STX8: variants seen among roughly 807,000 people sequenced by gnomAD.
STX8 encodes syntaxin-8.
In STX8, 23 loss-of-function variants were observed where a neutral mutation model predicts 37.5. The observed-to-expected ratio is 0.61, with a 90% confidence interval of 0.44 to 0.87. STX8 has a LOEUF of 0.87. Ranked by LOEUF, STX8 falls within the 40% of genes least tolerant of loss-of-function variation. STX8 has a pLI of 0.00. For missense variants in STX8, 313 were observed against 284.7 expected (o/e 1.10, Z -0.71); for synonymous variants, 115 against 99.1 (o/e 1.16, Z -0.95).
At chr17:9,488,114 G>A (rs984574748) in intron 6 of STX8, among the ~76,000 whole-genome samples, 1 of 152,058 alleles carries the variant, frequency 6.6e-6, no homozygotes, top group African/African-American at 2.4e-5. Context: ...ATCACCTGAG[G>A]TCAGGAGTTT....
intron 7 of STX8, among the ~76,000 whole-genome samples, chr17:9,313,255 A>G (rs1909259008): frequency 6.6e-6 from 1 of 152,206 alleles, no homozygotes; most frequent in Admixed American, 6.5e-5. Context: ...CTCAAGGAAC[A>G]TGGGTGGGTG....
chr17:9,369,298 C>T (rs2142270128), intron 7 of STX8, among the ~76,000 whole-genome samples: 1 of 152,076 alleles, frequency 6.6e-6, no homozygotes, highest in Middle Eastern at 3.4e-3. Context: ...GACAGACACA[C>T]AAGAATGTAA....
intron 6 of STX8, among the ~76,000 whole-genome samples, chr17:9,401,381 AC>A (rs1912613942): frequency 6.6e-6 from 1 of 152,220 alleles, no homozygotes. Context: ...TGATGGTAAT[AC>A]AATTTTGAAG....
chr17:9,359,602 C>T (rs1216843969), intron 7 of STX8, among the ~76,000 whole-genome samples: 3 of 148,852 alleles, frequency 2.0e-5, no homozygotes, highest in African/African-American at 5.0e-5. Context: ...CCGCCTCCCA[C>T]GTTCATGCCA....
rs371026003 is a variant in STX8, at chr17:9,299,604, C to T, written c.644-48959G>A. ...GACTACAGGCGCCCGCCACCACACC[C>T]GGCTAATTTTTTGTATTTTTAGTAG... On this transcript the variant is annotated intron_variant, in intron 7 of 7. Transcript: ENST00000306357. 2.9e-3 allele frequency among the ~76,000 whole-genome samples: 439 copies of T among 152,112 alleles called. 2 individuals carry two copies. The highest frequency in any genetic ancestry group is 9.7e-3 in the African/African-American group (404 of 41,478).
chr17:9,419,765 G>T (rs1187648686), intron 6 of STX8, among the ~76,000 whole-genome samples: 1 of 152,130 alleles, frequency 6.6e-6, no homozygotes, highest in African/African-American at 2.4e-5. Flanking sequence ...TTATGGACCT[G>T]AATTTTACTT....
chr17:9,574,143 C>T (rs1452666335), intron 1 of STX8, among the ~76,000 whole-genome samples: 1 of 151,582 alleles, frequency 6.6e-6, no homozygotes, highest in Non-Finnish European at 1.5e-5. Context: ...TGGCTGCGTG[C>T]GCCTGTAGTC....
At chr17:9,460,529 T>C (rs1386133751) in intron 6 of STX8, among the ~76,000 whole-genome samples, 2 of 151,838 alleles carry the variant, frequency 1.3e-5, no homozygotes, top group African/African-American at 4.8e-5. Context: ...AAAAATTAGC[T>C]GGGCCTGGTG....
At chr17:9,369,024 G>A (rs1313416985) in intron 7 of STX8, among the ~76,000 whole-genome samples, 1 of 151,902 alleles carries the variant, frequency 6.6e-6, no homozygotes, top group Non-Finnish European at 1.5e-5. Context: ...AGGTTCAAGG[G>A]ATCCTCCCAT....
chr17:9,290,082 T>A (rs1259337527), intron 7 of STX8, among the ~76,000 whole-genome samples: 1 of 151,902 alleles, frequency 6.6e-6, no homozygotes, highest in African/African-American at 2.4e-5. Context: ...GCAAATCGAG[T>A]CATGTCAGTA....
intron 7 of STX8, among the ~76,000 whole-genome samples, chr17:9,311,035 G>C (rs187165544): frequency 2.0e-5 from 3 of 152,062 alleles, no homozygotes; most frequent in South Asian, 4.1e-4. Context: ...TCAGGAGTTC[G>C]AGACCAGCCT....
chr17:9,440,242 T>C (rs1054525401), intron 6 of STX8, among the ~76,000 whole-genome samples: 2 of 152,272 alleles, frequency 1.3e-5, no homozygotes, highest in Admixed American at 6.5e-5. Context: ...ACTCTAAAAT[T>C]TGGAGATTTG....
At chr17:9,533,184 A>G (rs1400283115) in intron 4 of STX8, among the ~76,000 whole-genome samples, 1 of 152,236 alleles carries the variant, frequency 6.6e-6, no homozygotes, top group Non-Finnish European at 1.5e-5. Flanking sequence ...AATTGCTTGC[A>G]GGCTGGTCAC....
At chr17:9,512,733 C>T (rs1008464526) in intron 4 of STX8, among the ~76,000 whole-genome samples, 2 of 152,084 alleles carry the variant, frequency 1.3e-5, no homozygotes, top group African/African-American at 4.8e-5. Flanking sequence ...GTGAACCCAG[C>T]CAAGCCTACT....
intron 7 of STX8, among the ~76,000 whole-genome samples, chr17:9,375,846 C>G (rs73255897): frequency 6.6e-6 from 1 of 152,048 alleles, no homozygotes; most frequent in Non-Finnish European, 1.5e-5. Flanking sequence ...ATGGGAAAAT[C>G]GTGGCAAAAG....
intron 6 of STX8, among the ~76,000 whole-genome samples, chr17:9,483,878 G>A (rs1906459342): frequency 6.6e-6 from 1 of 152,114 alleles, no homozygotes; most frequent in South Asian, 2.1e-4. Flanking sequence ...GCACAGGCAG[G>A]GTGGGAATGG....
intron 6 of STX8, among the ~76,000 whole-genome samples, chr17:9,387,114 T>C (rs1912039504): frequency 1.3e-5 from 2 of 152,194 alleles, no homozygotes; most frequent in Admixed American, 6.5e-5. Context: ...TAAAGATACT[T>C]AGATCCAAAC....
intron 6 of STX8, among the ~76,000 whole-genome samples, chr17:9,481,900 T>C (rs1449504255): frequency 6.6e-6 from 1 of 152,158 alleles, no homozygotes; most frequent in Admixed American, 6.5e-5. Flanking sequence ...AACAGTTTCG[T>C]CCTGAAACTA....
At chr17:9,451,851 A>G (rs1905051775) in intron 6 of STX8, among the ~76,000 whole-genome samples, 1 of 152,158 alleles carries the variant, frequency 6.6e-6, no homozygotes, top group Non-Finnish European at 1.5e-5. Context: ...CAAAAGTTTC[A>G]CTGCTTAGAA....
Sources: gnomAD v4.1 joint callset for allele counts (sites outside exome capture counted in the v4.1 genomes callset) on GRCh38, gnomAD v4.1.1 for gene constraint, MANE v1.5 for transcripts, NCBI Gene and HGNC (gene_info 2026-07-23, HGNC 2026-07-21) for gene names.